DNAAF5: variants seen among roughly 807,000 people sequenced by gnomAD.
The protein encoded by DNAAF5 is HEAT repeat containing 2.
In DNAAF5, 64 loss-of-function variants were observed where a neutral mutation model predicts 75.8. The observed-to-expected ratio is 0.84, with a 90% CI of 0.69 to 1.04. The LOEUF is 1.04. Ranked by LOEUF, DNAAF5 falls within the 50% of genes least tolerant of loss-of-function variation. DNAAF5 has a pLI of 0.00. For synonymous variants in DNAAF5, 657 were observed against 557.2 expected (o/e 1.18, Z -2.52); for missense variants, 1,269 against 1,178.5 (o/e 1.08, Z -1.12).
At position 785,596 on chromosome 7, in the gene DNAAF5, G is replaced by C; in HGVS notation, c.2511G>C (p.Ser837=). Residue 837 remains serine, a synonymous_variant, in exon 13 of 13, where the codon TCG becomes TCC. Coordinates refer to ENST00000297440, the MANE Select transcript of DNAAF5 (RefSeq NM_017802.4). Reference sequence around the variant, plus strand: ...AGGCCGTCATCCACAAGCACCGCTCGGCCACCTACTGCGAGCAGCTCCTGC... The same window carrying C: ...AGGCCGTCATCCACAAGCACCGCTCCGCCACCTACTGCGAGCAGCTCCTGC... ...ETEAVIHKHR[S]ATYCEQLLQH... 1 of 1,613,266 alleles carries C rather than the reference G, an allele frequency of 6.2e-7. No individual in the cohort carries two copies. Among genetic ancestry groups the C allele is most frequent in the Non-Finnish European group, 8.5e-7 (1 of 1,180,024 alleles).
At position 785,493 on chromosome 7, in the gene DNAAF5, TCAAGG is replaced by T; in HGVS notation, c.2432-23_2432-19del. The T allele has an allele frequency of 6.2e-7, 1 of 1,610,750 alleles. No individual in the cohort carries two copies. The highest frequency in any genetic ancestry group is 1.3e-5 in the African/African-American group (1 of 75,014). On this transcript the variant is annotated intron_variant, in intron 12 of 12. Coordinates refer to ENST00000297440, the MANE Select transcript of DNAAF5 (RefSeq NM_017802.4). ...GGTTTCATGTTTGTTTCTGGCATGT[TCAAGG>T]TGTTTTTCTGTTTTACAGAGGTCCT...
At chr7:771,861 C>G (rs1003268689) in intron 9 of DNAAF5, 1 of 152,212 alleles carries the variant, frequency 6.6e-6, no homozygotes, top group East Asian at 1.9e-4. Context: ...GTGCGCCTAA[C>G]AACGTCTTGT....
chr7:763,616 G>A (rs957320175), intron 7 of DNAAF5, among the ~76,000 whole-genome samples, 190 bp from the exon 8 acceptor site: 1 of 152,206 alleles, frequency 6.6e-6, no homozygotes, highest in Non-Finnish European at 1.5e-5. Context: ...TCAGGGTCTC[G>A]CCCTGCACCC....
In DNAAF5 at chr7:782,650, AC is replaced by A. The variant is rs1562404697; in HGVS notation, c.2431+2507del. 8.7e-4 allele frequency among the ~76,000 whole-genome samples: 95 copies of A among 108,630 alleles called. 11 individuals carry two copies. Among genetic ancestry groups the A allele is most frequent in the African/African-American group, 3.5e-3 (92 of 26,034 alleles). The allele number at this position is 108,630 out of a possible 152,430, so 71.3% of individuals were successfully genotyped here. On this transcript the variant is annotated intron_variant, in intron 12 of 12. Coordinates refer to ENST00000297440, the MANE Select transcript of DNAAF5 (RefSeq NM_017802.4). ...ATTCCTGGCGTGGCCGCCTCCCGTC[AC>A]GCAGCGTCAGAAACTCGATCTTCCT...
chr7:742,823 CTCAAATCAATCATGCCCAGCTCAAA>C (rs1421669935), intron 4 of DNAAF5, among the ~76,000 whole-genome samples: 2 of 8,296 alleles, frequency 2.4e-4, no homozygotes, highest in African/African-American at 5.6e-4. Flanking sequence ...ACATGCCCCG[CTCAAATCAATCATGCCCAGCTCAAA>C]TCAATCATGC....
chr7:739,524 G>C (rs1215456606), intron 2 of DNAAF5, among the ~76,000 whole-genome samples: 1 of 152,236 alleles, frequency 6.6e-6, no homozygotes, highest in Non-Finnish European at 1.5e-5. Context: ...AAGGCCCTGT[G>C]TCAGTTAATG....
At chr7:757,120 G>A in intron 6 of DNAAF5, 126 bp downstream of exon 6, 4 of 929,246 alleles carry the variant, frequency 4.3e-6, no homozygotes, top group East Asian at 2.6e-5. Flanking sequence ...AGCACCCAGC[G>A]ACGTGTCTGT....
chr7:782,713 CG>C (rs1779011191), intron 12 of DNAAF5, among the ~76,000 whole-genome samples: 1 of 104,252 alleles, frequency 9.6e-6, no homozygotes, highest in Non-Finnish European at 2.0e-5. Flanking sequence ...GTCAGAAACT[CG>C]ATCTTCCTGG....
intron 6 of DNAAF5, among the ~76,000 whole-genome samples, chr7:760,745 C>T (rs567623819): frequency 1.8e-4 from 28 of 152,364 alleles, no homozygotes; most frequent in South Asian, 4.1e-4. Context: ...TTGCGGGCTT[C>T]AGAGCCTGGC....
chr7:726,921 C>G lies in DNAAF5; in HGVS notation c.201C>G (p.Thr67=). The change falls in exon 1 of 13, where the codon ACC becomes ACG. Residue 67 remains threonine, a synonymous_variant. Coordinates refer to ENST00000297440, the MANE Select transcript of DNAAF5 (RefSeq NM_017802.4). ...LEEPGPAADP[T]AFQGPWARLL... is the part of the protein sequence containing the mutation. ...AGCCAGGCCCTGCCGCCGACCCCAC[C>G]GCTTTCCAGGGCCCCTGGGCGCGCC... is the stretch of plus-strand genomic sequence containing the variant. 3.0e-6 allele frequency: 4 copies of G among 1,347,892 alleles called. No individual in the cohort carries two copies. The highest frequency in any genetic ancestry group is 3.3e-5 in the South Asian group (2 of 60,266). 83.5% of individuals were successfully genotyped at this position (1,347,892 alleles called of 1,614,324 possible). A position where few individuals can be genotyped will look rare whatever the true frequency, so the allele number is the denominator to read the frequency against.
chr7:746,980 C>G (rs1417150742), intron 4 of DNAAF5, among the ~76,000 whole-genome samples: 1 of 152,250 alleles, frequency 6.6e-6, no homozygotes, highest in East Asian at 1.9e-4. Context: ...GCAGCACTTT[C>G]CTTCTTCGCG....
In DNAAF5 at chr7:783,472, G is replaced by T. The variant is rs181564260; in HGVS notation, c.2432-2045G>T. Among the ~76,000 whole-genome samples, 17 of 152,254 alleles carry T rather than the reference G, an allele frequency of 1.1e-4. No homozygotes were observed. The East Asian group carries it at 3.3e-3, about 29-fold the overall frequency. ...GCTTTGACTCACAGACCCTCTGAAG[G>T]GTCCTGGGGACCCCGAGGGCCTTGG... is the stretch of plus-strand genomic sequence containing the variant. On this transcript the variant is annotated intron_variant, in intron 12 of 12. Transcript: ENST00000297440.
At chr7:771,992 C>T (rs1778580206) in intron 9 of DNAAF5, 1 of 152,184 alleles carries the variant, frequency 6.6e-6, no homozygotes, top group African/African-American at 2.4e-5. Context: ...TTTTTAGAAT[C>T]ATGAAATAGC....
intron 10 of DNAAF5, among the ~76,000 whole-genome samples, chr7:774,437 T>C (rs1778687015): frequency 6.6e-6 from 1 of 152,070 alleles, no homozygotes; most frequent in African/African-American, 2.4e-5. Flanking sequence ...GCCAGCCCGG[T>C]CGTGCTGCGG....
chr7:774,165 G>A lies in DNAAF5; in HGVS notation c.2049G>A (p.Ala683=). 1 of 1,611,628 alleles carries A rather than the reference G, an allele frequency of 6.2e-7. No individual in the cohort carries two copies. Among genetic ancestry groups the A allele is most frequent in the South Asian group, 1.1e-5 (1 of 91,036 alleles). Residue 683 remains alanine, a synonymous_variant, in exon 10 of 13, where the codon GCG becomes GCA. Coordinates refer to ENST00000297440, the MANE Select transcript of DNAAF5 (RefSeq NM_017802.4). ...CGGCTGCCGTGTCCTGCCTCTGGGCGCTCACCAGCAGCGAGGTCCTGTCGG... is the reference window on the plus strand; with the variant it reads ...CGGCTGCCGTGTCCTGCCTCTGGGCACTCACCAGCAGCGAGGTCCTGTCGG... ...IRTAAVSCLW[A]LTSSEVLSAE...
chr7:733,033 A>G (rs1195212209), intron 2 of DNAAF5, among the ~76,000 whole-genome samples: 2 of 152,212 alleles, frequency 1.3e-5, no homozygotes, highest in Non-Finnish European at 2.9e-5. Flanking sequence ...TTATTGAAGA[A>G]ACTGTCCTCT....
rs1354299856 is a variant in DNAAF5, at chr7:727,075, C to T, written c.355C>T (p.Pro119Ser). The change falls in exon 1 of 13, where the codon CCC (proline) becomes TCC (serine). Residue 119 changes from proline to serine, a missense_variant. Transcript: ENST00000297440. The stretch of plus-strand genomic sequence containing the variant: ...CCGCGATGCCCTGCCGCGCCTGCTG[C>T]CCGCGCTCGCCGCGCGCTTGGCCGG... The part of the protein sequence containing the change: ...RPRDALPRLL[P>S]ALAARLAGPV... 1.9e-6 allele frequency: 2 copies of T among 1,042,750 alleles called. No individual in the cohort carries two copies. Among genetic ancestry groups the T allele is most frequent in the South Asian group, 4.4e-5 (1 of 22,708 alleles). 64.6% of individuals were successfully genotyped at this position (1,042,750 alleles called of 1,614,324 possible).
At chr7:740,687 A>C in intron 2 of DNAAF5, 132 bp from the exon 3 acceptor site, 11 of 1,268,352 alleles carry the variant, frequency 8.7e-6, no homozygotes, top group Non-Finnish European at 1.2e-5. Context: ...AGGCGGTGGT[A>C]GGTGGCCCAG....
intron 4 of DNAAF5, among the ~76,000 whole-genome samples, chr7:744,100 C>A (rs1275945926): frequency 6.6e-6 from 1 of 152,034 alleles, no homozygotes; most frequent in Non-Finnish European, 1.5e-5. Flanking sequence ...TCACCTCACC[C>A]CACAACAGTT....
Sources: gnomAD v4.1 joint callset for allele counts (sites outside exome capture counted in the v4.1 genomes callset) on GRCh38, gnomAD v4.1.1 for gene constraint, MANE v1.5 for transcripts, NCBI Gene and HGNC (gene_info 2026-07-23, HGNC 2026-07-21) for gene names.